FOXN3: variants seen among roughly 807,000 people sequenced by gnomAD.
FOXN3 encodes the protein forkhead box N3, also known as forkhead box protein N3.
FOXN3 carries 7 observed loss-of-function variants against 38.4 expected under a neutral mutation model. The ratio of observed to expected loss-of-function variants is 0.18; its 90% confidence interval spans 0.10 to 0.34. The LOEUF is 0.34. FOXN3 is among the 10% of genes least tolerant of loss of function. FOXN3 has a pLI of 1.00. For synonymous variants in FOXN3, 230 were observed against 242.2 expected, an observed-to-expected ratio of 0.95 and a Z score of 0.47; for missense variants, 456 against 613.4, an observed-to-expected ratio of 0.74 and a Z score of 2.71.
chr14:89,424,088 G>A (rs916246584), intron 1 of FOXN3, among the ~76,000 whole-genome samples: 2 of 152,198 alleles, frequency 1.3e-5, no homozygotes, highest in South Asian at 2.1e-4. Context: ...TTGCTGGGAC[G>A]TTGTTTAAAA....
At chr14:89,251,789 A>C (rs1294908845) in intron 4 of FOXN3, among the ~76,000 whole-genome samples, 1 of 152,228 alleles carries the variant, frequency 6.6e-6, no homozygotes, top group African/African-American at 2.4e-5. Flanking sequence ...TAAACAAATA[A>C]CTTGGCATAT....
intron 1 of FOXN3, among the ~76,000 whole-genome samples, chr14:89,519,311 G>A (rs117539879): frequency 0.01 from 1,562 of 152,308 alleles, 15 homozygotes; most frequent in Non-Finnish European, 0.014. Context: ...TTGGAGGAGG[G>A]CTGAGGCAAG....
At chr14:89,605,057 A>G (rs1896241636) in intron 1 of FOXN3, among the ~76,000 whole-genome samples, 1 of 150,710 alleles carries the variant, frequency 6.6e-6, no homozygotes. Flanking sequence ...AGAAGTGATG[A>G]AGGGGGTGGG....
At chr14:89,584,915 C>T (rs1273568519) in intron 1 of FOXN3, among the ~76,000 whole-genome samples, 2 of 152,172 alleles carry the variant, frequency 1.3e-5, no homozygotes, top group African/African-American at 2.4e-5. Flanking sequence ...GGGGTTTTAC[C>T]GTGTTGGCCA....
At chr14:89,358,430 G>A (rs766379283) in intron 2 of FOXN3, among the ~76,000 whole-genome samples, 1 of 152,152 alleles carries the variant, frequency 6.6e-6, no homozygotes, top group Non-Finnish European at 1.5e-5. Context: ...CGAAAAGGAA[G>A]ACCCCCATTG....
intron 3 of FOXN3, among the ~76,000 whole-genome samples, chr14:89,337,903 T>A (rs899562598): frequency 2.0e-5 from 3 of 152,220 alleles, no homozygotes; most frequent in Non-Finnish European, 4.4e-5. Flanking sequence ...GTGCTGGGGT[T>A]ACAGGCGTGA....
chr14:89,534,679 C>T (rs1319675709), intron 1 of FOXN3, among the ~76,000 whole-genome samples: 2 of 152,178 alleles, frequency 1.3e-5, no homozygotes, highest in Admixed American at 6.5e-5. Context: ...AATGTCCATG[C>T]CCAGGCCACA....
intron 1 of FOXN3, among the ~76,000 whole-genome samples, chr14:89,426,578 A>AT (rs2140110378): frequency 6.6e-6 from 1 of 152,238 alleles, no homozygotes; most frequent in East Asian, 1.9e-4. Context: ...GAATTCGCAA[A>AT]TACAAAAACT....
At chr14:89,611,755 G>A (rs1037491286) in intron 1 of FOXN3, among the ~76,000 whole-genome samples, 7 of 145,458 alleles carry the variant, frequency 4.8e-5, no homozygotes, top group South Asian at 4.3e-4. Flanking sequence ...GCAGTGAGCC[G>A]AGATCGTGCC....
At chr14:89,402,183 C>T (rs1457438309) in intron 2 of FOXN3, among the ~76,000 whole-genome samples, 1 of 152,210 alleles carries the variant, frequency 6.6e-6, no homozygotes, top group Non-Finnish European at 1.5e-5. Flanking sequence ...ATCAAGCTAC[C>T]GCTTTTGATG....
At chr14:89,549,151 GTAT>G (rs1894948405) in intron 1 of FOXN3, among the ~76,000 whole-genome samples, 2 of 150,504 alleles carry the variant, frequency 1.3e-5, no homozygotes, top group Non-Finnish European at 1.5e-5. Context: ...AATGTTAAAT[GTAT>G]TATATTTTTA....
chr14:89,190,512 C>T lies in FOXN3; in HGVS notation c.746-9706G>A, dbSNP rs796138588. Reference sequence around the variant, plus strand: ...GGGGCCGGTGTGTGTGTGTGTTTTTCCCCCTGCAAGTTACAGTTTATGAAT... The same window carrying T: ...GGGGCCGGTGTGTGTGTGTGTTTTTTCCCCTGCAAGTTACAGTTTATGAAT... On this transcript the variant is annotated intron_variant, in intron 4 of 5. Coordinates refer to ENST00000557258, the MANE Select transcript of FOXN3 (RefSeq NM_005197.4). 8 of 1,384,500 alleles carry T rather than the reference C, an allele frequency of 5.8e-6. No individual in the cohort carries two copies. The African/African-American group carries it at 1.0e-4, about 17-fold the overall frequency. 85.8% of individuals were successfully genotyped at this position (1,384,500 alleles called of 1,614,324 possible).
chr14:89,434,190 T>G (rs773156149), intron 1 of FOXN3, among the ~76,000 whole-genome samples: 1 of 150,768 alleles, frequency 6.6e-6, no homozygotes, highest in African/African-American at 2.4e-5. Flanking sequence ...CCCAAAGTGC[T>G]GGGATTACAG....
intron 4 of FOXN3, among the ~76,000 whole-genome samples, chr14:89,256,449 C>T (rs1171702411): frequency 1.3e-5 from 2 of 152,190 alleles, no homozygotes; most frequent in Non-Finnish European, 2.9e-5. Flanking sequence ...CCAGGACAAA[C>T]AGGCTGGGTG....
chr14:89,584,350 G>A lies in FOXN3; in HGVS notation c.-15+34678C>T, dbSNP rs141124721. Among the ~76,000 whole-genome samples, 860 of 152,152 alleles carry A rather than the reference G, an allele frequency of 5.7e-3. 4 individuals carry two copies. Among genetic ancestry groups the A allele is most frequent in the Non-Finnish European group, 6.7e-3 (455 of 67,994 alleles). ...TGGGAGGCGGAGGTTGCAGTGAACC[G>A]ATATCGCACCACTGTACGCCAGCCT... is the stretch of plus-strand genomic sequence containing the variant. On this transcript the variant is annotated intron_variant, in intron 1 of 6. Transcript: ENST00000345097.
intron 4 of FOXN3, among the ~76,000 whole-genome samples, chr14:89,188,006 G>T (rs191386945): frequency 6.6e-6 from 1 of 152,272 alleles, no homozygotes; most frequent in Admixed American, 6.5e-5. Context: ...GTCCATGAGC[G>T]TCTCCTTCTG....
At chr14:89,168,092 TAAAAAAAC>T (rs1566919605) in intron 5 of FOXN3, among the ~76,000 whole-genome samples, 2 of 151,784 alleles carry the variant, frequency 1.3e-5, no homozygotes, top group African/African-American at 4.8e-5. Flanking sequence ...GGGTTCATAA[TAAAAAAAC>T]AAAAATTAAA....
chr14:89,331,056 T>A (rs1213349902), intron 3 of FOXN3, among the ~76,000 whole-genome samples: 1 of 152,258 alleles, frequency 6.6e-6, no homozygotes, highest in African/African-American at 2.4e-5. Flanking sequence ...ACACAAAATA[T>A]GAAATTTGCC....
intron 4 of FOXN3, among the ~76,000 whole-genome samples, chr14:89,200,293 C>A (rs1888203436): frequency 6.6e-6 from 1 of 152,180 alleles, no homozygotes; most frequent in Non-Finnish European, 1.5e-5. Flanking sequence ...TCCAAGTCAG[C>A]TCCCCAACAG....
Sources: gnomAD v4.1 joint callset for allele counts (sites outside exome capture counted in the v4.1 genomes callset) on GRCh38, gnomAD v4.1.1 for gene constraint, MANE v1.5 for transcripts, NCBI Gene and HGNC (gene_info 2026-07-23, HGNC 2026-07-21) for gene names.